Variants in MTHFD1L observed in about 807,000 individuals in gnomAD.
MTHFD1L encodes methylenetetrahydrofolate dehydrogenase (NADP+ dependent) 1 like, also known as monofunctional C1-tetrahydrofolate synthase, mitochondrial.
Under a neutral mutation model 119.5 loss-of-function variants are expected in MTHFD1L, and 81 were observed. That is an observed-to-expected ratio of 0.68 (90% CI 0.57 to 0.82). The LOEUF is 0.82. Ranked by LOEUF, MTHFD1L falls within the 40% of genes least tolerant of loss-of-function variation. The pLI is 0.00. For synonymous variants in MTHFD1L, 430 were observed against 475.2 expected (o/e 0.90, Z 1.24); for missense variants, 1,125 against 1,253.4 (o/e 0.90, Z 1.55).
chr6:150,904,138 C>T (rs1354648970), intron 7 of MTHFD1L, among the ~76,000 whole-genome samples: 2 of 152,168 alleles, frequency 1.3e-5, no homozygotes, highest in African/African-American at 4.8e-5. Flanking sequence ...TAAAAGTCCT[C>T]AGGCTGAGGA....
chr6:150,952,200 AGAAAACTTTATTGCTGTG>A (rs1320613471), intron 16 of MTHFD1L, among the ~76,000 whole-genome samples: 1 of 152,248 alleles, frequency 6.6e-6, no homozygotes, highest in Non-Finnish European at 1.5e-5. Flanking sequence ...ACTGAAGTAA[AGAAAACTTTATTGCTGTG>A]GACAAGCTAC....
chr6:150,977,398 ACACTT>A (rs1776736329), intron 20 of MTHFD1L, among the ~76,000 whole-genome samples: 1 of 152,214 alleles, frequency 6.6e-6, no homozygotes, highest in African/African-American at 2.4e-5. Flanking sequence ...AATTTGCAAA[ACACTT>A]TATGAGAATT....
intron 20 of MTHFD1L, among the ~76,000 whole-genome samples, chr6:150,994,095 A>AAGAAGAAAGAAAGAAAG (rs1554273941): frequency 4.2e-5 from 6 of 143,674 alleles, no homozygotes; most frequent in Non-Finnish European, 7.5e-5. Flanking sequence ...GAAAGAAAGA[A>AAGAAGAAAGAAAGAAAG]AGTGACCCAG....
intron 14 of MTHFD1L, 136 bp from the exon 15 acceptor site, chr6:150,945,331 C>T: frequency 1.6e-6 from 1 of 629,340 alleles, no homozygotes; most frequent in South Asian, 2.2e-5. Context: ...TTTATATTAG[C>T]CCACAAATTT....
chr6:150,943,218 T>A (rs1793427764), intron 13 of MTHFD1L, among the ~76,000 whole-genome samples: 1 of 151,984 alleles, frequency 6.6e-6, no homozygotes, highest in Non-Finnish European at 1.5e-5. Flanking sequence ...GAGGTTGCAT[T>A]GAGCTGAGAT....
Position 150,944,780 on chromosome 6 carries a change from G to A in MTHFD1L, c.1548+187G>A, listed in dbSNP as rs1793669294. On this transcript the variant is annotated intron_variant, in intron 14 of 27. Transcript: ENST00000367321. ...CCATCCTTTGATCAGATTCTCAAATGGGTTTATGAGCACTGCCAAGTTATT... is the reference window on the plus strand; with the variant it reads ...CCATCCTTTGATCAGATTCTCAAATAGGTTTATGAGCACTGCCAAGTTATT... Among the ~76,000 whole-genome samples the A allele has an allele frequency of 5.9e-5, 9 of 152,334 alleles. No homozygotes were observed. The South Asian group carries it at 1.9e-3, about 32-fold the overall frequency.
At chr6:150,908,430 C>T (rs1245062027) in intron 8 of MTHFD1L, among the ~76,000 whole-genome samples, 1 of 151,430 alleles carries the variant, frequency 6.6e-6, no homozygotes, top group African/African-American at 2.4e-5. Flanking sequence ...TGAGACCTAG[C>T]CTGGCCAACA....
At chr6:151,000,604 T>C (rs1780481549) in intron 20 of MTHFD1L, among the ~76,000 whole-genome samples, 1 of 152,206 alleles carries the variant, frequency 6.6e-6, no homozygotes, top group Non-Finnish European at 1.5e-5. Context: ...GCTGCAGTAA[T>C]AATGCCGAAT....
At chr6:150,986,666 A>AGTT (rs1245029462) in intron 20 of MTHFD1L, among the ~76,000 whole-genome samples, 4 of 152,178 alleles carry the variant, frequency 2.6e-5, no homozygotes, top group Non-Finnish European at 4.4e-5. Flanking sequence ...TGTGCGACCC[A>AGTT]GTTCCTTACA....
At chr6:150,937,387 G>A (rs990163780) in intron 12 of MTHFD1L, among the ~76,000 whole-genome samples, 1 of 152,182 alleles carries the variant, frequency 6.6e-6, no homozygotes, top group Non-Finnish European at 1.5e-5. Flanking sequence ...AGCGAGTCGT[G>A]ATGAAATTCC....
Position 150,882,902 on chromosome 6 carries a change from CA to C in MTHFD1L, c.542+19del. 1 of 1,559,072 alleles carries C rather than the reference CA, an allele frequency of 6.4e-7. No individual in the cohort carries two copies. Among genetic ancestry groups the C allele is most frequent in the South Asian group, 1.2e-5 (1 of 80,076 alleles). On this transcript the variant is annotated intron_variant, in intron 5 of 27. Coordinates refer to ENST00000367321, the MANE Select transcript of MTHFD1L (RefSeq NM_015440.5). ...ATGTGGATGGGTAAGAAAATAAAAT[CA>C]AATAATCAACCTTTATGGCTAAATC...
At chr6:150,974,795 G>A (rs6925755) in intron 20 of MTHFD1L, among the ~76,000 whole-genome samples, 64,631 of 150,826 alleles carry the variant, frequency 0.43, 15,836 homozygotes, top group African/African-American at 0.63. Flanking sequence ...GGAGCGCAAT[G>A]GCACAATCTC....
At chr6:151,097,922 C>G (rs758666492) in intron 27 of MTHFD1L, among the ~76,000 whole-genome samples, 1 of 152,148 alleles carries the variant, frequency 6.6e-6, no homozygotes, top group Non-Finnish European at 1.5e-5. Flanking sequence ...TGCTTCTAAT[C>G]TCAGCAGTTT....
chr6:151,088,623 A>ATT (rs71014539), intron 26 of MTHFD1L, among the ~76,000 whole-genome samples: 10,905 of 128,522 alleles, frequency 0.085, 842 homozygotes, highest in African/African-American at 0.18. Flanking sequence ...CACCCAGCTA[A>ATT]TTTTTTTTTT....
chr6:150,931,482 T>C (rs1051032103), intron 11 of MTHFD1L, among the ~76,000 whole-genome samples: 1 of 152,200 alleles, frequency 6.6e-6, no homozygotes, highest in Non-Finnish European at 1.5e-5. Flanking sequence ...AAGAAACCAC[T>C]TCCCACAGGG....
At position 150,866,419 on chromosome 6, in the gene MTHFD1L, A is replaced by G. The variant is rs1778327435; in HGVS notation, c.227+370A>G. On this transcript the variant is annotated intron_variant, in intron 1 of 27. Coordinates refer to ENST00000367321, the MANE Select transcript of MTHFD1L (RefSeq NM_015440.5). ...GGGCGGTGCGGCTGGGGCGGAAACCAGGGGAGGGGGCGAGGAGCAGGAGGA... is the reference window on the plus strand; with the variant it reads ...GGGCGGTGCGGCTGGGGCGGAAACCGGGGGAGGGGGCGAGGAGCAGGAGGA... 4 of 1,352,184 alleles carry G rather than the reference A, an allele frequency of 3.0e-6. No homozygotes were observed. In the South Asian group the frequency reaches 5.2e-5, roughly 18 times the overall value. 83.8% of individuals were successfully genotyped at this position (1,352,184 alleles called of 1,614,324 possible).
At chr6:151,009,749 A>T in intron 20 of MTHFD1L, 70 bp from the exon 21 acceptor site, 1 of 1,541,630 alleles carries the variant, frequency 6.5e-7, no homozygotes, top group Non-Finnish European at 8.9e-7. Flanking sequence ...CTCGAATCAT[A>T]GTGGTGATTG....
At chr6:150,974,679 T>C (rs1453599928) in intron 20 of MTHFD1L, among the ~76,000 whole-genome samples, 2 of 152,068 alleles carry the variant, frequency 1.3e-5, no homozygotes, top group Non-Finnish European at 1.5e-5. Context: ...TAGCATAATG[T>C]CCTCAAGGTT....
chr6:151,015,838 A>C (rs1480586851), intron 24 of MTHFD1L, 145 bp downstream of exon 24: 1 of 1,024,648 alleles, frequency 9.8e-7, no homozygotes, highest in African/African-American at 1.6e-5. Flanking sequence ...TGTAATCCCA[A>C]CACTTTGGGA....
Sources: allele counts gnomAD v4.1 joint callset (sites outside exome capture counted in the v4.1 genomes callset), GRCh38; gene constraint gnomAD v4.1.1; transcripts MANE v1.5; gene names NCBI Gene and HGNC (gene_info 2026-07-23, HGNC 2026-07-21).